NKAIN3: variants seen among roughly 807,000 people sequenced by gnomAD.
NKAIN3 encodes the protein sodium/potassium-transporting ATPase subunit beta-1-interacting protein 3.
Under a neutral mutation model 30.2 loss-of-function variants are expected in NKAIN3, and 25 were observed. The observed-to-expected ratio is 0.83, with a 90% confidence interval of 0.60 to 1.16. The LOEUF (loss-of-function observed/expected upper bound fraction) is 1.16, where lower values mean the gene tolerates loss of function less well. Ranked by LOEUF, NKAIN3 falls within the 50% of genes most tolerant of loss-of-function variation. The probability of loss-of-function intolerance (pLI) is 0.00; values close to 1 mark genes in which losing one functional copy is unlikely to be tolerated. For missense variants in NKAIN3, 225 were observed against 254.1 expected (o/e 0.89, Z 0.78); for synonymous variants, 91 against 89.6 (o/e 1.02, Z -0.09).
chr8:62,269,541 T>C (rs1812710350), intron 1 of NKAIN3, among the ~76,000 whole-genome samples: 1 of 152,208 alleles, frequency 6.6e-6, no homozygotes, highest in African/African-American at 2.4e-5. Context: ...GGTGCTAGTC[T>C]ATTCTAGCTA....
chr8:62,631,056 C>T (rs1201316591), intron 3 of NKAIN3, among the ~76,000 whole-genome samples: 3 of 152,112 alleles, frequency 2.0e-5, no homozygotes, highest in Non-Finnish European at 4.4e-5. Context: ...CTTGCCATTC[C>T]AATGGAGCTG....
In NKAIN3 at chr8:62,982,350, C is replaced by T. The variant is rs2130925673; in HGVS notation, c.*16943C>T. 6.6e-6 allele frequency: 1 copy of T among 152,328 alleles called. No homozygotes were observed. Among genetic ancestry groups the T allele is most frequent in the Middle Eastern group, 3.4e-3 (1 of 294 alleles). The allele number at this position is 152,328 out of a possible 1,614,324, so 9.4% of individuals were successfully genotyped here. ...TAACCATACATATCTTCAATGTCTA[C>T]AATTTGAATGGAGAGCCCTTTCAAT... On this transcript the variant is annotated 3_prime_UTR_variant, in exon 7 of 7. Coordinates refer to ENST00000623646, the MANE Select transcript of NKAIN3 (RefSeq NM_001304533.3).
At chr8:62,729,477 T>G (rs1480304105) in intron 3 of NKAIN3, among the ~76,000 whole-genome samples, 1 of 152,160 alleles carries the variant, frequency 6.6e-6, no homozygotes, top group Non-Finnish European at 1.5e-5. Context: ...CTTAAAAAAC[T>G]AAACGTACTC....
intron 4 of NKAIN3, among the ~76,000 whole-genome samples, chr8:62,915,917 TA>T (rs547317426): frequency 1.3e-5 from 2 of 151,968 alleles, no homozygotes; most frequent in East Asian, 3.9e-4. Context: ...ATTCACAAAA[TA>T]AAAAACATAA....
rs78720389 is a variant in NKAIN3 at position 62,620,739 on chromosome 8, A to G, written c.273+30945A>G. On this transcript the variant is annotated intron_variant, in intron 3 of 6. Coordinates refer to ENST00000623646, the MANE Select transcript of NKAIN3 (RefSeq NM_001304533.3). ...CAGCCTCCTACAACTTTCTTTATGTATCAGGTCTTTTTCTCAGCTAAGAAA... is the reference window on the plus strand; with the variant it reads ...CAGCCTCCTACAACTTTCTTTATGTGTCAGGTCTTTTTCTCAGCTAAGAAA... Among the ~76,000 whole-genome samples the G allele has an allele frequency of 6.5e-3, 996 of 152,296 alleles. 9 individuals carry two copies. Among genetic ancestry groups the G allele is most frequent in the Non-Finnish European group, 9.8e-3 (667 of 68,014 alleles).
intron 3 of NKAIN3, among the ~76,000 whole-genome samples, chr8:62,607,061 T>A (rs1360163034): frequency 6.6e-6 from 1 of 152,146 alleles, no homozygotes; most frequent in Non-Finnish European, 1.5e-5. Context: ...CATGAATAAT[T>A]GAAGACTGAT....
At chr8:62,718,989 T>C (rs531430282) in intron 3 of NKAIN3, among the ~76,000 whole-genome samples, 1 of 152,308 alleles carries the variant, frequency 6.6e-6, no homozygotes, top group South Asian at 2.1e-4. Context: ...TCTTGAGAGA[T>C]GTAAAATCAG....
At chr8:62,748,678 G>T (rs942348093) in intron 4 of NKAIN3, among the ~76,000 whole-genome samples, 1 of 152,142 alleles carries the variant, frequency 6.6e-6, no homozygotes, top group Admixed American at 6.5e-5. Flanking sequence ...AAAGACTAAA[G>T]ATCTGAATAA....
chr8:62,534,194 T>C (rs1369506672), intron 1 of NKAIN3, among the ~76,000 whole-genome samples: 1 of 152,164 alleles, frequency 6.6e-6, no homozygotes, highest in Non-Finnish European at 1.5e-5. Context: ...CCCATACGTA[T>C]GTTCCAGTGA....
intron 1 of NKAIN3, among the ~76,000 whole-genome samples, chr8:62,388,022 C>T (rs1817480706): frequency 6.6e-6 from 1 of 152,148 alleles, no homozygotes; most frequent in African/African-American, 2.4e-5. Flanking sequence ...AAATTTCACT[C>T]ATATGCCTTA....
intron 1 of NKAIN3, among the ~76,000 whole-genome samples, chr8:62,462,746 A>G (rs1025723770): frequency 1.3e-5 from 2 of 152,138 alleles, no homozygotes; most frequent in Non-Finnish European, 2.9e-5. Flanking sequence ...TAATGAAGAG[A>G]CTTTTAGATG....
chr8:62,863,701 A>T (rs914062463), intron 4 of NKAIN3: 1 of 1,493,716 alleles, frequency 6.7e-7, no homozygotes, highest in Admixed American at 1.7e-5. Context: ...CTGTGTCTGT[A>T]TCACGCTGAG....
chr8:62,953,822 T>C, intron 5 of NKAIN3, 80 bp from the exon 6 acceptor site: 1 of 283,462 alleles, frequency 3.5e-6, no homozygotes. Context: ...TTAACTTTGC[T>C]CTTATGCATT....
intron 1 of NKAIN3, among the ~76,000 whole-genome samples, chr8:62,524,465 C>G (rs1188288893): frequency 1.3e-5 from 2 of 152,040 alleles, no homozygotes; most frequent in Non-Finnish European, 2.9e-5. Context: ...TGAGCAGACC[C>G]TGAAGGAACA....
At chr8:62,880,570 C>T (rs1820944882) in intron 4 of NKAIN3, among the ~76,000 whole-genome samples, 1 of 152,194 alleles carries the variant, frequency 6.6e-6, no homozygotes, top group Non-Finnish European at 1.5e-5. Context: ...TTCAAAATTG[C>T]ACACTTTAAG....
At chr8:62,810,727 G>A (rs1439763047) in intron 4 of NKAIN3, among the ~76,000 whole-genome samples, 1 of 126,392 alleles carries the variant, frequency 7.9e-6, no homozygotes, top group African/African-American at 3.0e-5. Flanking sequence ...CTTAATGTTT[G>A]TATGCCTGCA....
chr8:62,840,082 T>C (rs1419339160), intron 4 of NKAIN3, among the ~76,000 whole-genome samples: 1 of 152,154 alleles, frequency 6.6e-6, no homozygotes, highest in African/African-American at 2.4e-5. Flanking sequence ...TTAGTAGGCA[T>C]TCAATAAATA....
At position 62,843,326 on chromosome 8, in the gene NKAIN3, A is replaced by G. The variant is rs909085191; in HGVS notation, c.472-75127A>G. On this transcript the variant is annotated intron_variant, in intron 4 of 6. Coordinates refer to ENST00000623646, the MANE Select transcript of NKAIN3 (RefSeq NM_001304533.3). ...TTTTTAATTAATTAATTAATTAATTAATTAATTTTTTATTTATTTATTTTT... is the reference window on the plus strand; with the variant it reads ...TTTTTAATTAATTAATTAATTAATTGATTAATTTTTTATTTATTTATTTTT... Among the ~76,000 whole-genome samples the G allele has an allele frequency of 2.0e-5, 3 of 151,068 alleles. No individual in the cohort carries two copies. In the South Asian group the frequency reaches 6.3e-4, roughly 31 times the overall value.
chr8:62,827,647 T>C (rs1459375062), intron 4 of NKAIN3, among the ~76,000 whole-genome samples: 1 of 152,168 alleles, frequency 6.6e-6, no homozygotes, highest in African/African-American at 2.4e-5. Context: ...CACATGAATA[T>C]GGTAGACCAG....
Sources: gnomAD v4.1 joint callset for allele counts (sites outside exome capture counted in the v4.1 genomes callset) on GRCh38, gnomAD v4.1.1 for gene constraint, MANE v1.5 for transcripts, NCBI Gene and HGNC (gene_info 2026-07-23, HGNC 2026-07-21) for gene names.